FOXP1: variants seen among roughly 807,000 people sequenced by gnomAD.
The protein encoded by FOXP1 is forkhead box protein P1.
In FOXP1, 15 loss-of-function variants were observed where a neutral mutation model predicts 98.2. The observed-to-expected ratio is 0.15, with a 90% confidence interval of 0.10 to 0.24. The LOEUF (loss-of-function observed/expected upper bound fraction) is 0.24. Ranked by LOEUF, FOXP1 falls within the 10% of genes least tolerant of loss-of-function variation. FOXP1 has a pLI of 1.00. For missense variants in FOXP1, 633 were observed against 848.5 expected, an observed-to-expected ratio of 0.75 and a Z score of 3.15; for synonymous variants, 371 against 314.5, an observed-to-expected ratio of 1.18 and a Z score of -1.90.
intron 6 of FOXP1, among the ~76,000 whole-genome samples, chr3:71,171,241 C>T (rs911413040): frequency 1.3e-5 from 2 of 152,082 alleles, no homozygotes; most frequent in Non-Finnish European, 2.9e-5. Context: ...TATGCAATTA[C>T]CGCTCACTAA....
chr3:71,018,430 G>A (rs1180024714), intron 11 of FOXP1, among the ~76,000 whole-genome samples: 1 of 152,096 alleles, frequency 6.6e-6, no homozygotes, highest in Non-Finnish European at 1.5e-5. Flanking sequence ...AAAATTACAT[G>A]CTCTTGTTTT....
chr3:71,193,331 G>A lies in FOXP1; in HGVS notation c.180+4871C>T, dbSNP rs1219142129. Reference sequence around the variant, plus strand: ...CCCGGCTAATTTTTTGTATTTTTTAGTAGAGGCGGGGTTTCACCATGTTAG... The same window carrying A: ...CCCGGCTAATTTTTTGTATTTTTTAATAGAGGCGGGGTTTCACCATGTTAG... On this transcript the variant is annotated intron_variant, in intron 6 of 20. Transcript: ENST00000649528. Among the ~76,000 whole-genome samples, 3 of 127,592 alleles carry A rather than the reference G, an allele frequency of 2.4e-5. 1 individual carries two copies. Among genetic ancestry groups the A allele is most frequent in the African/African-American group, 1.1e-4 (3 of 28,204 alleles). 83.7% of individuals were successfully genotyped at this position (127,592 alleles called of 152,430 possible).
intron 5 of FOXP1, among the ~76,000 whole-genome samples, chr3:71,239,978 G>T (rs1403752228): frequency 6.6e-6 from 1 of 152,208 alleles, no homozygotes; most frequent in African/African-American, 2.4e-5. Context: ...CTGGGGGCAG[G>T]GTTGACAATC....
At chr3:71,264,157 A>G (rs1303940751) in intron 5 of FOXP1, among the ~76,000 whole-genome samples, 1 of 152,164 alleles carries the variant, frequency 6.6e-6, no homozygotes, top group Non-Finnish European at 1.5e-5. Flanking sequence ...TTAGGGTAAG[A>G]AGCATGTAAC....
intron 5 of FOXP1, among the ~76,000 whole-genome samples, chr3:71,240,270 C>T (rs1267194218): frequency 6.6e-6 from 1 of 152,192 alleles, no homozygotes; most frequent in Non-Finnish European, 1.5e-5. Flanking sequence ...AATCCGTTCA[C>T]GATGTAGAAG....
chr3:71,312,790 A>G (rs1321678544), intron 4 of FOXP1, among the ~76,000 whole-genome samples: 1 of 151,888 alleles, frequency 6.6e-6, no homozygotes, highest in South Asian at 2.1e-4. Context: ...GTTCGAGGCC[A>G]GCCTGGCCAA....
chr3:71,385,971 C>G (rs968623401), intron 3 of FOXP1, among the ~76,000 whole-genome samples: 2 of 152,152 alleles, frequency 1.3e-5, no homozygotes, highest in Admixed American at 6.5e-5. Context: ...GCACCTCAAG[C>G]CACATCCAAA....
intron 5 of FOXP1, among the ~76,000 whole-genome samples, chr3:71,248,495 C>A (rs542529518): frequency 1.3e-5 from 2 of 152,276 alleles, no homozygotes; most frequent in Middle Eastern, 3.4e-3. Context: ...GTAATCCCAG[C>A]ACTTTGGGAG....
chr3:71,575,476 T>C (rs1425813246), intron 2 of FOXP1, among the ~76,000 whole-genome samples: 6 of 152,020 alleles, frequency 3.9e-5, no homozygotes, highest in African/African-American at 1.4e-4. Flanking sequence ...CACACACAGA[T>C]ACAGAGGTAG....
chr3:71,496,993 A>G (rs1440376117), intron 2 of FOXP1, among the ~76,000 whole-genome samples: 1 of 94,778 alleles, frequency 1.1e-5, no homozygotes, highest in Non-Finnish European at 2.6e-5. Flanking sequence ...TGTTGTTAAG[A>G]ATTCAACAGT....
At chr3:71,436,781 G>A (rs994290894) in intron 3 of FOXP1, among the ~76,000 whole-genome samples, 3 of 152,060 alleles carry the variant, frequency 2.0e-5, no homozygotes, top group African/African-American at 7.2e-5. Context: ...AGCCAGCCAG[G>A]CAAGTGGTGA....
At chr3:71,079,059 G>A (rs2054130516) in intron 7 of FOXP1, among the ~76,000 whole-genome samples, 1 of 152,108 alleles carries the variant, frequency 6.6e-6, no homozygotes, top group East Asian at 1.9e-4. Flanking sequence ...ATAGGTTCTG[G>A]TTTTGTTTAA....
chr3:71,459,618 G>A (rs2087828354), intron 3 of FOXP1, among the ~76,000 whole-genome samples: 1 of 152,136 alleles, frequency 6.6e-6, no homozygotes, highest in South Asian at 2.1e-4. Context: ...TGGGGTTGTT[G>A]TTTTTTAAAA....
intron 5 of FOXP1, among the ~76,000 whole-genome samples, chr3:71,238,429 G>A (rs767077404): frequency 9.2e-5 from 14 of 151,904 alleles, no homozygotes; most frequent in Non-Finnish European, 1.9e-4. Context: ...CCTCTAAAGG[G>A]GTGTGGGGGG....
chr3:71,455,459 AC>A (rs2087386907), intron 3 of FOXP1, among the ~76,000 whole-genome samples: 1 of 152,200 alleles, frequency 6.6e-6, no homozygotes, highest in Non-Finnish European at 1.5e-5. Flanking sequence ...ATTAAAGAAA[AC>A]TTGGAAACTA....
intron 6 of FOXP1, among the ~76,000 whole-genome samples, chr3:71,151,714 C>A (rs1050827768): frequency 1.4e-5 from 2 of 143,788 alleles, no homozygotes; most frequent in Non-Finnish European, 3.0e-5. Context: ...TTTGGTCATA[C>A]CTTGCACGGA....
chr3:71,507,379 AAAGG>A (rs2041903508), intron 2 of FOXP1, among the ~76,000 whole-genome samples: 1 of 152,146 alleles, frequency 6.6e-6, no homozygotes, highest in African/African-American at 2.4e-5. Flanking sequence ...ACAAGGTCAC[AAAGG>A]AATACATCAC....
intron 4 of FOXP1, among the ~76,000 whole-genome samples, chr3:71,327,019 TAGCTA>T (rs1460256717): frequency 6.6e-6 from 1 of 152,174 alleles, no homozygotes; most frequent in African/African-American, 2.4e-5. Flanking sequence ...CCAATTCATA[TAGCTA>T]ATACATGGCA....
chr3:71,173,872 T>C (rs1273664189), intron 6 of FOXP1, among the ~76,000 whole-genome samples: 2 of 152,128 alleles, frequency 1.3e-5, no homozygotes, highest in Non-Finnish European at 2.9e-5. Context: ...AAACCAACCA[T>C]GGTGGGAAGG....
Sources: allele counts gnomAD v4.1 joint callset (sites outside exome capture counted in the v4.1 genomes callset), GRCh38; gene constraint gnomAD v4.1.1; transcripts MANE v1.5; gene names NCBI Gene and HGNC (gene_info 2026-07-23, HGNC 2026-07-21).